The following SLIT3 variants were observed in gnomAD, a reference collection of about 807,000 sequenced individuals.
The protein encoded by SLIT3 is slit homolog 3 protein.
SLIT3 carries 68 observed loss-of-function variants against 184.0 expected under a neutral mutation model. The observed-to-expected ratio is 0.37, with a 90% CI of 0.30 to 0.45. SLIT3 has a LOEUF of 0.45. SLIT3 is among the 20% of genes least tolerant of loss of function. SLIT3 has a pLI of 1.00. For missense variants in SLIT3, 1,707 were observed against 2,026.0 expected, an observed-to-expected ratio of 0.84 and a Z score of 3.02; for synonymous variants, 831 against 828.6, an observed-to-expected ratio of 1.00 and a Z score of -0.05.
At chr5:169,151,384 C>T (rs1378439141) in intron 4 of SLIT3, among the ~76,000 whole-genome samples, 4 of 152,140 alleles carry the variant, frequency 2.6e-5, no homozygotes, top group African/African-American at 4.8e-5. Flanking sequence ...AGTACCACTG[C>T]GACTGGGTTC....
At chr5:169,160,120 A>G (rs796684976) in intron 4 of SLIT3, among the ~76,000 whole-genome samples, 1 of 152,218 alleles carries the variant, frequency 6.6e-6, no homozygotes, top group African/African-American at 2.4e-5. Context: ...AAGGGGTTTT[A>G]TGTTCCTTTA....
At chr5:168,995,326 C>T (rs1183010562) in intron 4 of SLIT3, among the ~76,000 whole-genome samples, 1 of 152,226 alleles carries the variant, frequency 6.6e-6, no homozygotes, top group Non-Finnish European at 1.5e-5. Context: ...GAATTAGCCA[C>T]TTAGATCATC....
intron 10 of SLIT3, chr5:168,790,642 C>T (rs1756332796): frequency 6.6e-6 from 1 of 152,134 alleles, no homozygotes; most frequent in Non-Finnish European, 1.5e-5. Context: ...TTTTCTTTAA[C>T]AAAATAAATA....
intron 9 of SLIT3, among the ~76,000 whole-genome samples, chr5:168,804,492 A>G (rs1227822970): frequency 6.6e-6 from 1 of 152,056 alleles, no homozygotes; most frequent in East Asian, 1.9e-4. Flanking sequence ...TAGATTCCGT[A>G]GAGGGAGCGC....
chr5:168,808,904 G>A (rs1401467297), intron 8 of SLIT3, among the ~76,000 whole-genome samples: 2 of 152,106 alleles, frequency 1.3e-5, no homozygotes, highest in African/African-American at 2.4e-5. Context: ...ACATCAAAAG[G>A]AGAGCACACC....
chr5:168,886,390 G>A (rs1760213783), intron 4 of SLIT3, among the ~76,000 whole-genome samples: 1 of 152,130 alleles, frequency 6.6e-6, no homozygotes, highest in African/African-American at 2.4e-5. Context: ...CTAATAGTGT[G>A]TTTATCTCTA....
chr5:169,249,519 G>A (rs913466942), intron 2 of SLIT3, among the ~76,000 whole-genome samples: 5 of 152,018 alleles, frequency 3.3e-5, no homozygotes, highest in African/African-American at 1.2e-4. Context: ...GAAAATCAAG[G>A]GTTGTTTTTG....
chr5:169,255,691 G>C (rs1258944616), intron 1 of SLIT3, among the ~76,000 whole-genome samples: 2 of 152,142 alleles, frequency 1.3e-5, no homozygotes, highest in Non-Finnish European at 2.9e-5. Flanking sequence ...AGACCATCCT[G>C]GCTAACACGG....
At chr5:168,835,108 C>T (rs1416150377) in intron 6 of SLIT3, among the ~76,000 whole-genome samples, 1 of 152,188 alleles carries the variant, frequency 6.6e-6, no homozygotes, top group Non-Finnish European at 1.5e-5. Context: ...TCCCTCATCA[C>T]AGAAAGTTCT....
At chr5:168,788,397 T>C (rs1251791454) in intron 11 of SLIT3, among the ~76,000 whole-genome samples, 1 of 152,184 alleles carries the variant, frequency 6.6e-6, no homozygotes, top group Non-Finnish European at 1.5e-5. Context: ...GGGGGGAATA[T>C]GTGCATCTGG....
At chr5:169,161,543 A>G (rs1272675592) in intron 4 of SLIT3, among the ~76,000 whole-genome samples, 1 of 151,666 alleles carries the variant, frequency 6.6e-6, no homozygotes, top group Non-Finnish European at 1.5e-5. Context: ...GCAATGATAA[A>G]CCTCGGTGCC....
At chr5:168,679,502 AT>A (rs959951928) in intron 32 of SLIT3, among the ~76,000 whole-genome samples, 12 of 152,162 alleles carry the variant, frequency 7.9e-5, no homozygotes, top group Middle Eastern at 6.8e-3. Flanking sequence ...TTTTTCCTCC[AT>A]TTTTCAAATA....
rs545897193 is a variant in SLIT3, at chr5:169,255,433, G to A, written c.198-3974C>T. On this transcript the variant is annotated intron_variant, in intron 1 of 35. Coordinates refer to ENST00000519560, the MANE Select transcript of SLIT3 (RefSeq NM_003062.4). ...CCTGTGTAGACCTAGGCTAATGTGCGTGCTTGTGTCTTAGTTTTTAATAAA... is the reference window on the plus strand; with the variant it reads ...CCTGTGTAGACCTAGGCTAATGTGCATGCTTGTGTCTTAGTTTTTAATAAA... 6.6e-5 allele frequency among the ~76,000 whole-genome samples: 10 copies of A among 152,128 alleles called. No individual in the cohort carries two copies. In the South Asian group the frequency reaches 1.0e-3, roughly 16 times the overall value.
intron 5 of SLIT3, among the ~76,000 whole-genome samples, chr5:168,855,184 C>A (rs150148572): frequency 9.2e-5 from 14 of 152,224 alleles, no homozygotes; most frequent in Non-Finnish European, 1.9e-4. Context: ...TTCACACACA[C>A]TAGAAAGGCT....
chr5:169,181,489 C>T (rs910913447), intron 4 of SLIT3, among the ~76,000 whole-genome samples: 2 of 152,104 alleles, frequency 1.3e-5, no homozygotes, highest in African/African-American at 4.8e-5. Context: ...CACCTGTAAT[C>T]CCAACACTTT....
chr5:168,997,361 T>C (rs1275226520), intron 4 of SLIT3, among the ~76,000 whole-genome samples: 3 of 152,120 alleles, frequency 2.0e-5, no homozygotes, highest in Non-Finnish European at 4.4e-5. Flanking sequence ...GAGACTGCAA[T>C]TACTTTTCTG....
intron 4 of SLIT3, among the ~76,000 whole-genome samples, chr5:169,081,443 G>A (rs1759053509): frequency 6.6e-6 from 1 of 152,190 alleles, no homozygotes; most frequent in African/African-American, 2.4e-5. Context: ...TGGGGTTTCA[G>A]CAGGAAACTC....
chr5:168,687,205 TC>T, intron 29 of SLIT3, 89 bp from the exon 30 acceptor site: 1 of 1,457,572 alleles, frequency 6.9e-7, no homozygotes, highest in Non-Finnish European at 9.5e-7. Context: ...AGGTGGCCTC[TC>T]CCCATCTCTT....
chr5:168,771,989 T>G (rs1180416866), intron 14 of SLIT3, among the ~76,000 whole-genome samples: 2 of 152,042 alleles, frequency 1.3e-5, no homozygotes, highest in African/African-American at 4.8e-5. Flanking sequence ...TTTGGTGATT[T>G]TTTTTCCAGT....
Sources: gnomAD v4.1 joint callset for allele counts (sites outside exome capture counted in the v4.1 genomes callset) on GRCh38, gnomAD v4.1.1 for gene constraint, MANE v1.5 for transcripts, NCBI Gene and HGNC (gene_info 2026-07-23, HGNC 2026-07-21) for gene names.